Variants in NNMT observed in about 807,000 individuals in gnomAD.
The protein encoded by NNMT is nicotinamide N-methyltransferase.
Under a neutral mutation model 11.7 loss-of-function variants are expected in NNMT, and 10 were observed. The observed-to-expected ratio is 0.85, with a 90% CI of 0.53 to 1.45. NNMT has a LOEUF of 1.45. NNMT is among the 40% of genes most tolerant of loss of function. The pLI is 0.00. For synonymous variants in NNMT, 143 were observed against 133.8 expected (o/e 1.07, Z -0.48); for missense variants, 381 against 319.4 (o/e 1.19, Z -1.47).
At chr11:114,269,721 A>G (rs1458519838) in intron 2 of NNMT, among the ~76,000 whole-genome samples, 1 of 151,366 alleles carries the variant, frequency 6.6e-6, no homozygotes, top group East Asian at 1.9e-4. Context: ...CTTCCTCACC[A>G]CCCTCTCACC....
chr11:114,283,993 G>C (rs1945279345), intron 2 of NNMT, among the ~76,000 whole-genome samples: 1 of 152,184 alleles, frequency 6.6e-6, no homozygotes, highest in Non-Finnish European at 1.5e-5. Flanking sequence ...ACAGTAATTA[G>C]TAGGAAGCAA....
intron 2 of NNMT, among the ~76,000 whole-genome samples, chr11:114,267,237 C>G (rs979672599): frequency 2.0e-5 from 3 of 152,286 alleles, no homozygotes; most frequent in Non-Finnish European, 4.4e-5. Context: ...TGCAGTCCAG[C>G]CTGGGTGACA....
chr11:114,278,810 C>T (rs1322413724), intron 2 of NNMT, among the ~76,000 whole-genome samples: 1 of 152,102 alleles, frequency 6.6e-6, no homozygotes, highest in Admixed American at 6.5e-5. Context: ...GCAGATGGGA[C>T]CAGAGGCTGA....
intron 2 of NNMT, among the ~76,000 whole-genome samples, chr11:114,264,689 T>A (rs1945106950): frequency 6.6e-6 from 1 of 152,242 alleles, no homozygotes; most frequent in African/African-American, 2.4e-5. Flanking sequence ...CCAGGTTGTT[T>A]GATCCGTGCT....
chr11:114,295,419 C>CTA (rs1680746817), upstream of NNMT, among the ~76,000 whole-genome samples: 1 of 85,048 alleles, frequency 1.2e-5, no homozygotes, highest in Admixed American at 1.6e-4. Flanking sequence ...TTAAAGAATT[C>CTA]TTTTTTTTTT....
At chr11:114,268,172 T>C (rs1306502758) in intron 2 of NNMT, among the ~76,000 whole-genome samples, 1 of 152,080 alleles carries the variant, frequency 6.6e-6, no homozygotes, top group Non-Finnish European at 1.5e-5. Flanking sequence ...AGTGGCGACA[T>C]CGCTGACCTT....
intron 2 of NNMT, among the ~76,000 whole-genome samples, chr11:114,264,343 C>T (rs1464224572): frequency 6.6e-6 from 1 of 152,118 alleles, no homozygotes; most frequent in Non-Finnish European, 1.5e-5. Context: ...TGAGTTTTAT[C>T]TCTGTTATTC....
At position 114,281,010 on chromosome 11, in the gene NNMT, C is replaced by T. The variant is rs1345541422; in HGVS notation, c.-129-15418C>T. 2.6e-5 allele frequency among the ~76,000 whole-genome samples: 4 copies of T among 152,220 alleles called. No homozygotes were observed. The East Asian group carries it at 5.8e-4, about 22-fold the overall frequency. ...TCTACATGTTGCCTCACCTCCACCACAGAAGCTGAGGCCCAGGAAAGCCAA... is the reference window on the plus strand; with the variant it reads ...TCTACATGTTGCCTCACCTCCACCATAGAAGCTGAGGCCCAGGAAAGCCAA... On this transcript the variant is annotated intron_variant, in intron 2 of 4. Transcript: ENST00000535401.
In NNMT at chr11:114,296,985, T is replaced by A. The variant is rs1158183639; in HGVS notation, c.154+275T>A. 3.3e-5 allele frequency among the ~76,000 whole-genome samples: 5 copies of A among 152,344 alleles called. No individual in the cohort carries two copies. In the East Asian group the frequency reaches 7.7e-4, roughly 23 times the overall value. On this transcript the variant is annotated intron_variant, in intron 1 of 2. Coordinates refer to ENST00000299964, the MANE Select transcript of NNMT (RefSeq NM_006169.3). ...ATTTGCTAGGCGACTTGAGGGAGAC[T>A]TTTAGCCTCAAAGGGCCACTTAAGT...
chr11:114,307,521 A>G (rs1401175903), intron 2 of NNMT, among the ~76,000 whole-genome samples: 3 of 151,570 alleles, frequency 2.0e-5, no homozygotes, highest in South Asian at 2.1e-4. Flanking sequence ...CCTCCACTCA[A>G]TTCTTCTCTG....
At chr11:114,298,283 A>G (rs1269587943) in intron 2 of NNMT, 125 bp downstream of exon 2, 5 of 774,602 alleles carry the variant, frequency 6.5e-6, no homozygotes, top group Non-Finnish European at 1.1e-5. Context: ...AGAGAGCGAG[A>G]GCAAGAGAGA....
intron 2 of NNMT, among the ~76,000 whole-genome samples, chr11:114,284,708 CA>C (rs1945284565): frequency 6.6e-6 from 1 of 151,024 alleles, no homozygotes; most frequent in African/African-American, 2.4e-5. Context: ...GTGATATGCC[CA>C]CCTTGGCCTC....
intron 2 of NNMT, among the ~76,000 whole-genome samples, chr11:114,269,664 T>C (rs1326017159): frequency 6.6e-6 from 1 of 152,176 alleles, no homozygotes. Context: ...CTTTCTTCCC[T>C]TTCACAGCCA....
At position 114,298,371 on chromosome 11, in the gene NNMT, C is replaced by T. The variant is rs1252198278; in HGVS notation, c.362+213C>T. On this transcript the variant is annotated intron_variant, in intron 2 of 2. Coordinates refer to ENST00000299964, the MANE Select transcript of NNMT (RefSeq NM_006169.3). ...ATGTGTGCACCAGAGTAATGGAAGACACAGGGAGAGGGTTGAAGAAATGGA... is the reference window on the plus strand; with the variant it reads ...ATGTGTGCACCAGAGTAATGGAAGATACAGGGAGAGGGTTGAAGAAATGGA... 1.4e-5 allele frequency: 8 copies of T among 553,380 alleles called. No individual in the cohort carries two copies. The East Asian group carries it at 2.2e-4, about 15-fold the overall frequency. The allele number at this position is 553,380 out of a possible 1,614,324, so 34.3% of individuals were successfully genotyped here.
chr11:114,259,232 C>T (rs1945054673), intron 1 of NNMT, among the ~76,000 whole-genome samples: 1 of 152,120 alleles, frequency 6.6e-6, no homozygotes, highest in South Asian at 2.1e-4. Context: ...AGGTAATTAG[C>T]ACTCCAGGGC....
intron 2 of NNMT, among the ~76,000 whole-genome samples, chr11:114,303,585 C>A (rs1217959361): frequency 6.6e-6 from 1 of 152,180 alleles, no homozygotes; most frequent in Non-Finnish European, 1.5e-5. Context: ...TCAAGAGGAA[C>A]ATACAGTGAC....
At chr11:114,273,986 G>T (rs1469779048) in intron 2 of NNMT, among the ~76,000 whole-genome samples, 2 of 152,206 alleles carry the variant, frequency 1.3e-5, no homozygotes, top group Admixed American at 6.5e-5. Context: ...TCAATTGGCA[G>T]TTGAAGTGAC....
At chr11:114,302,394 C>T (rs1299199495) in intron 2 of NNMT, among the ~76,000 whole-genome samples, 3 of 152,076 alleles carry the variant, frequency 2.0e-5, no homozygotes, top group Non-Finnish European at 4.4e-5. Flanking sequence ...CAATATGCAT[C>T]CTTGACATAT....
Position 114,298,153 on chromosome 11 carries a change from G to T in NNMT, c.357G>T (p.Gly119=). Residue 119 remains glycine (G), a synonymous_variant, in exon 2 of 3, where the codon GGG becomes GGT. Coordinates refer to ENST00000299964, the MANE Select transcript of NNMT (RefSeq NM_006169.3). ...TGACCTATGTGTGTGATCTTGAAGG[G>T]AACAGGTAGAGAAACTGGTGTCTAC... The part of the protein sequence containing the change: ...PVVTYVCDLE[G]NRVKGPEKEE... The T allele has an allele frequency of 6.2e-7, 1 of 1,613,976 alleles. No homozygotes were observed. The highest frequency in any genetic ancestry group is 8.5e-7 in the Non-Finnish European group (1 of 1,179,928).
Sources: allele counts gnomAD v4.1 joint callset (sites outside exome capture counted in the v4.1 genomes callset), GRCh38; gene constraint gnomAD v4.1.1; transcripts MANE v1.5; gene names NCBI Gene and HGNC (gene_info 2026-07-23, HGNC 2026-07-21).